ARHGAP44: variants seen among roughly 807,000 people sequenced by gnomAD.
ARHGAP44 encodes rho GTPase-activating protein 44.
A neutral mutation model predicts 106.8 loss-of-function variants in ARHGAP44; 43 were observed. The observed-to-expected ratio is 0.40, with a 90% CI of 0.32 to 0.52. The LOEUF (loss-of-function observed/expected upper bound fraction) is 0.52. Among genes scored for constraint, ARHGAP44 ranks in the 20% least tolerant of loss-of-function variants. ARHGAP44 has a pLI of 0.48. For synonymous variants in ARHGAP44, 439 were observed against 410.3 expected (o/e 1.07, Z -0.85); for missense variants, 866 against 1,050.5 (o/e 0.82, Z 2.43).
chr17:12,974,295 G>A lies in ARHGAP44; in HGVS notation c.1748G>A (p.Gly583Glu). ...CCATCCGGCCTGGGCCTCCAGCCTGGGCCCGAGCGCACCAGGTAAGCGCGG... is the reference window on the plus strand; with the variant it reads ...CCATCCGGCCTGGGCCTCCAGCCTGAGCCCGAGCGCACCAGGTAAGCGCGG... ...LSPSGLGLQP[G>E]PERTSTTKSK... Residue 583 changes from glycine to glutamate, a missense_variant, in exon 18 of 21, where the codon GGG becomes GAG. By Grantham distance (98) the Gly-to-Glu change is moderately conservative. This residue lies in a region of ARHGAP44 where 418 missense variants were observed against 403.6 expected (regional missense o/e 1.04). Transcript: ENST00000379672. 1 of 1,439,770 alleles carries A rather than the reference G, an allele frequency of 6.9e-7. No homozygotes were observed. The allele number at this position is 1,439,770 out of a possible 1,614,324, so 89.2% of individuals were successfully genotyped here. A position where few individuals can be genotyped will look rare whatever the true frequency, so the allele number is the denominator to read the frequency against.
intron 1 of ARHGAP44, among the ~76,000 whole-genome samples, chr17:12,864,713 C>A (rs756876888): frequency 2.0e-5 from 3 of 151,926 alleles, no homozygotes; most frequent in African/African-American, 7.3e-5. Context: ...TGAAATAGAA[C>A]TGAATAAGGA....
Position 12,913,744 on chromosome 17 carries a change from G to T in ARHGAP44, c.276-2156G>T, listed in dbSNP as rs553868142. On this transcript the variant is annotated intron_variant, in intron 4 of 20. Coordinates refer to ENST00000379672, the MANE Select transcript of ARHGAP44 (RefSeq NM_014859.6). ...ACACTTTGGGAGGCCGAGGCAGGTG[G>T]ATTACCTGAGGTCCAGAGTTCAAGA... 4.0e-5 allele frequency among the ~76,000 whole-genome samples: 6 copies of T among 149,892 alleles called. No individual in the cohort carries two copies. The South Asian group carries it at 1.3e-3, about 32-fold the overall frequency.
At position 12,800,368 on chromosome 17, in the gene ARHGAP44, T is replaced by G. The variant is rs531684396; in HGVS notation, c.53+10477T>G. Among the ~76,000 whole-genome samples the G allele has an allele frequency of 4.6e-5, 7 of 152,288 alleles. No individual in the cohort carries two copies. The South Asian group carries it at 1.4e-3, about 32-fold the overall frequency. On this transcript the variant is annotated intron_variant, in intron 1 of 20. Coordinates refer to ENST00000379672, the MANE Select transcript of ARHGAP44 (RefSeq NM_014859.6). ...GACTAATAGTTATTGTATCACTCAA[T>G]TTAAGTCTAGGTTAAGCAGCTGTAA...
At chr17:12,983,660 C>T (rs912367327) in intron 19 of ARHGAP44, among the ~76,000 whole-genome samples, 31 of 151,606 alleles carry the variant, frequency 2.0e-4, no homozygotes, top group African/African-American at 7.3e-4. Flanking sequence ...CAAAATTAGC[C>T]AGGCGTGGTG....
intron 1 of ARHGAP44, among the ~76,000 whole-genome samples, chr17:12,887,276 G>A (rs1038192230): frequency 2.0e-5 from 3 of 152,120 alleles, no homozygotes; most frequent in Non-Finnish European, 4.4e-5. Flanking sequence ...TCTCCAGGCT[G>A]GAGTACAAAG....
intron 16 of ARHGAP44, among the ~76,000 whole-genome samples, chr17:12,967,673 G>A (rs557930090): frequency 1.5e-4 from 23 of 152,104 alleles, no homozygotes; most frequent in South Asian, 1.5e-3. Context: ...CTAGGTGATC[G>A]CTGAGCACCT....
chr17:12,971,433 G>A (rs2039524955), intron 16 of ARHGAP44, among the ~76,000 whole-genome samples: 1 of 152,152 alleles, frequency 6.6e-6, no homozygotes, highest in African/African-American at 2.4e-5. Context: ...AGGACTCCTT[G>A]TGCTGGTCAC....
chr17:12,816,708 A>G (rs1249598504), intron 1 of ARHGAP44, among the ~76,000 whole-genome samples: 1 of 152,188 alleles, frequency 6.6e-6, no homozygotes, highest in Non-Finnish European at 1.5e-5. Flanking sequence ...CCAGAAAGAC[A>G]AAATAATTCT....
At chr17:12,943,957 C>T (rs2080326306) in intron 9 of ARHGAP44, 112 bp from the exon 10 acceptor site, 7 of 1,379,614 alleles carry the variant, frequency 5.1e-6, no homozygotes, top group Non-Finnish European at 4.8e-6. Context: ...CTCAATTGGG[C>T]CTCCCTCTCT....
At chr17:12,885,182 A>T (rs2036846515) in intron 1 of ARHGAP44, among the ~76,000 whole-genome samples, 1 of 152,212 alleles carries the variant, frequency 6.6e-6, no homozygotes, top group African/African-American at 2.4e-5. Flanking sequence ...TACAGGCGTG[A>T]GCCATCGCAC....
chr17:12,949,767 C>T lies in ARHGAP44; in HGVS notation c.1055+37C>T. 1 of 1,578,374 alleles carries T rather than the reference C, an allele frequency of 6.3e-7. No individual in the cohort carries two copies. The highest frequency in any genetic ancestry group is 1.1e-5 in the South Asian group (1 of 90,054). On this transcript the variant is annotated intron_variant, in intron 12 of 20. Transcript: ENST00000379672. The surrounding 1 kb of genome is among the most constrained non-coding windows in gnomAD (Gnocchi z 4.1). ...TTGTTTTGGAATGTCCTGTGAGTTA[C>T]AGTTTATTTGGGAGTATGTGCTGAA...
intron 6 of ARHGAP44, among the ~76,000 whole-genome samples, chr17:12,925,254 G>A (rs1169601992): frequency 1.3e-5 from 2 of 152,124 alleles, no homozygotes; most frequent in Non-Finnish European, 2.9e-5. Flanking sequence ...TCCATGACTC[G>A]TCAGTTGGGT....
chr17:12,847,744 A>G (rs925625793), intron 1 of ARHGAP44, among the ~76,000 whole-genome samples: 8 of 151,606 alleles, frequency 5.3e-5, no homozygotes, highest in Admixed American at 1.3e-4. Context: ...TGACCTCGTG[A>G]TCCGCCCGCC....
At chr17:12,981,049 G>C (rs1205464409) in intron 19 of ARHGAP44, 2 of 152,066 alleles carry the variant, frequency 1.3e-5, no homozygotes, top group Admixed American at 6.6e-5. Flanking sequence ...CATTCTCTTT[G>C]TCTGCCCTCA....
chr17:12,974,006 G>T, intron 17 of ARHGAP44, 83 bp from the exon 18 acceptor site: 1 of 1,396,736 alleles, frequency 7.2e-7, no homozygotes, highest in South Asian at 1.2e-5. Flanking sequence ...TCCCAACGCG[G>T]ACCTGCTTGA....
chr17:12,814,977 G>A (rs181477959), intron 1 of ARHGAP44, among the ~76,000 whole-genome samples: 1 of 152,032 alleles, frequency 6.6e-6, no homozygotes, highest in Non-Finnish European at 1.5e-5. Context: ...TTTTCTTCCC[G>A]ACTCTCCTCA....
intron 1 of ARHGAP44, among the ~76,000 whole-genome samples, chr17:12,865,614 C>G (rs2036215773): frequency 6.6e-6 from 1 of 151,934 alleles, no homozygotes; most frequent in African/African-American, 2.4e-5. Flanking sequence ...ATGGTGAAAC[C>G]CTGTCTCTAC....
chr17:12,897,965 G>A (rs774633093), intron 3 of ARHGAP44, among the ~76,000 whole-genome samples: 6 of 152,102 alleles, frequency 3.9e-5, no homozygotes, highest in Non-Finnish European at 7.4e-5. Flanking sequence ...GGATCCTTGA[G>A]TGATCTGAAG....
chr17:12,975,492 T>C (rs1309758212), intron 18 of ARHGAP44, among the ~76,000 whole-genome samples: 1 of 152,058 alleles, frequency 6.6e-6, no homozygotes, highest in Non-Finnish European at 1.5e-5. Flanking sequence ...AACTGATAAC[T>C]TTCTCTTTTT....
Sources: gnomAD v4.1 joint callset for allele counts (sites outside exome capture counted in the v4.1 genomes callset) on GRCh38, gnomAD v4.1.1 for gene constraint, gnomAD v4.1.1 regional missense constraint, Gnocchi (gnomAD v3.1) non-coding constraint, MANE v1.5 for transcripts, NCBI Gene and HGNC (gene_info 2026-07-23, HGNC 2026-07-21) for gene names.